Variants in RYR3 observed in about 807,000 individuals in gnomAD.
RYR3 encodes the protein ryanodine receptor 3.
In RYR3, 207 loss-of-function variants were observed where a neutral mutation model predicts 584.3. That is an observed-to-expected ratio of 0.35 (90% CI 0.32 to 0.40). The LOEUF (loss-of-function observed/expected upper bound fraction) is 0.40. RYR3 is among the 10% of genes least tolerant of loss of function. The pLI, the probability that RYR3 is intolerant of heterozygous loss-of-function variation, is 1.00. For synonymous variants in RYR3, 2,416 were observed against 2,248.5 expected, an observed-to-expected ratio of 1.07 and a Z score of -2.11; for missense variants, 5,616 against 6,089.2, an observed-to-expected ratio of 0.92 and a Z score of 2.59.
At chr15:33,456,847 T>A (rs1313774121) in intron 1 of RYR3, among the ~76,000 whole-genome samples, 2 of 152,316 alleles carry the variant, frequency 1.3e-5, no homozygotes, top group East Asian at 3.9e-4. Flanking sequence ...CCATTCTATA[T>A]CATTAATTTG....
At chr15:33,501,555 C>A (rs1425628528) in intron 2 of RYR3, among the ~76,000 whole-genome samples, 2 of 152,178 alleles carry the variant, frequency 1.3e-5, no homozygotes, top group African/African-American at 4.8e-5. Flanking sequence ...CCAAATCATT[C>A]ATTCTGATGA....
intron 42 of RYR3, among the ~76,000 whole-genome samples, chr15:33,704,298 AAAG>A (rs1373001553): frequency 6.7e-6 from 1 of 149,918 alleles, no homozygotes. Flanking sequence ...AAAAAAAAAG[AAAG>A]AAAAAAATCT....
intron 1 of RYR3, among the ~76,000 whole-genome samples, chr15:33,386,071 A>T (rs1214702186): frequency 6.6e-6 from 1 of 152,116 alleles, no homozygotes; most frequent in Non-Finnish European, 1.5e-5. Context: ...AAGAAAATAG[A>T]ATTTATGGAT....
chr15:33,668,442 CAG>C (rs1172889199), intron 36 of RYR3, among the ~76,000 whole-genome samples: 8 of 152,008 alleles, frequency 5.3e-5, no homozygotes, highest in South Asian at 2.1e-4. Flanking sequence ...CCAAAGCACT[CAG>C]GGGCAAATTT....
chr15:33,358,703 C>G (rs575950336), intron 1 of RYR3, among the ~76,000 whole-genome samples: 32 of 150,448 alleles, frequency 2.1e-4, no homozygotes, highest in Admixed American at 1.9e-3. Context: ...TTTTAATACT[C>G]TGTTAGATTT....
chr15:33,635,903 A>T (rs1015671245), intron 26 of RYR3, 84 bp downstream of exon 26: 17 of 1,204,166 alleles, frequency 1.4e-5, no homozygotes, highest in Non-Finnish European at 2.0e-5. Context: ...AAATTACTGG[A>T]TCTCTGGCTT....
At chr15:33,531,522 AT>A (rs1234235555) in intron 4 of RYR3, among the ~76,000 whole-genome samples, 1 of 151,972 alleles carries the variant, frequency 6.6e-6, no homozygotes, top group Admixed American at 6.6e-5. Flanking sequence ...ATTCAAGACT[AT>A]TTCCACACAT....
chr15:33,865,425 C>T lies in RYR3; in HGVS notation c.*199C>T, dbSNP rs1890176367. ...ATGGACATACACTGTGGGAGAGAAC[C>T]TGTCAAAATGTCGAAGAAGGAAGGC... On this transcript the variant is annotated 3_prime_UTR_variant, in exon 104 of 104. Coordinates refer to ENST00000634891, the MANE Select transcript of RYR3 (RefSeq NM_001036.6). 4 of 516,544 alleles carry T rather than the reference C, an allele frequency of 7.7e-6. No individual in the cohort carries two copies. The highest frequency in any genetic ancestry group is 1.4e-5 in the Non-Finnish European group (4 of 291,800). The allele number at this position is 516,544 out of a possible 1,614,324, so 32.0% of individuals were successfully genotyped here.
chr15:33,722,809 CG>C lies in RYR3; in HGVS notation c.6717del (p.Leu2240SerfsTer54). 1 of 1,613,202 alleles carries C rather than the reference CG, an allele frequency of 6.2e-7. No individual in the cohort carries two copies. ...CGGCCCTGCGGGGTGAGGGGGGAAA[CG>C]GGCTCTTGGCAGCCATGCAGGGTGC... ...GPALRGEGGN[G>X]LLAAMQGAIK... is the part of the protein sequence containing the mutation. On this transcript the variant is annotated frameshift_variant, in exon 44 of 104. Coordinates refer to ENST00000634891, the MANE Select transcript of RYR3 (RefSeq NM_001036.6). LOFTEE classifies it high-confidence loss of function.
chr15:33,636,639 C>T (rs2061515186), intron 27 of RYR3, 89 bp downstream of exon 27: 3 of 1,154,492 alleles, frequency 2.6e-6, no homozygotes, highest in South Asian at 1.5e-5. Flanking sequence ...CTTCCTTATT[C>T]GGTCTACACT....
At chr15:33,360,721 A>T (rs1974642152) in intron 1 of RYR3, among the ~76,000 whole-genome samples, 1 of 152,250 alleles carries the variant, frequency 6.6e-6, no homozygotes, top group Admixed American at 6.5e-5. Context: ...ATTCCCAAGA[A>T]CACACAGCCA....
At chr15:33,316,027 A>G (rs1427973160) in intron 1 of RYR3, among the ~76,000 whole-genome samples, 1 of 152,206 alleles carries the variant, frequency 6.6e-6, no homozygotes, top group Non-Finnish European at 1.5e-5. Flanking sequence ...TAATTATTAA[A>G]TATGTTAAAT....
chr15:33,797,678 C>G (rs763544692), intron 67 of RYR3, among the ~76,000 whole-genome samples: 6 of 152,170 alleles, frequency 3.9e-5, no homozygotes, highest in Non-Finnish European at 5.9e-5. Flanking sequence ...CTTCTCCCAC[C>G]AAGAAACGTT....
At chr15:33,757,757 A>G (rs1187832995) in intron 60 of RYR3, 161 bp downstream of exon 60, 2 of 746,750 alleles carry the variant, frequency 2.7e-6, no homozygotes, top group African/African-American at 3.5e-5. Context: ...TACATATCTG[A>G]ATTATTTCAG....
At chr15:33,454,390 T>C (rs927899584) in intron 1 of RYR3, among the ~76,000 whole-genome samples, 13 of 152,132 alleles carry the variant, frequency 8.5e-5, no homozygotes, top group African/African-American at 2.2e-4. Context: ...AAATAAAAAC[T>C]AGAAGCTAAC....
intron 47 of RYR3, among the ~76,000 whole-genome samples, chr15:33,729,476 ATAGGCTGACAT>A (rs1329195671): frequency 1.3e-5 from 2 of 152,162 alleles, no homozygotes; most frequent in Non-Finnish European, 2.9e-5. Context: ...TGGCAACATT[ATAGGCTGACAT>A]TACTCTTCAC....
At chr15:33,742,854 C>T (rs2070298704) in intron 52 of RYR3, among the ~76,000 whole-genome samples, 1 of 152,070 alleles carries the variant, frequency 6.6e-6, no homozygotes, top group South Asian at 2.1e-4. Context: ...TTCTGGAAGG[C>T]TGGATTTTAT....
intron 67 of RYR3, among the ~76,000 whole-genome samples, chr15:33,793,929 T>TAG (rs1256078691): frequency 2.7e-5 from 4 of 145,504 alleles, no homozygotes; most frequent in Non-Finnish European, 4.5e-5. Context: ...ACACTCTATA[T>TAG]ATATACATAT....
Position 33,841,923 on chromosome 15 carries a change from GGACAGAAGT to G in RYR3, c.13102_13110del (p.Glu4368_Thr4370del). On this transcript the variant is annotated inframe_deletion, in exon 91 of 104. Transcript: ENST00000634891. Reference sequence around the variant, plus strand: ...GAAGAGGAGCAAGCTGAGTACCTGTGGACAGAAGTGACAAAAAAGAAGAAGCGGCGGTGT... The same window carrying G: ...GAAGAGGAGCAAGCTGAGTACCTGTGGACAAAAAAGAAGAAGCGGCGGTGT... 1 of 1,598,206 alleles carries G rather than the reference GGACAGAAGT, an allele frequency of 6.3e-7. No homozygotes were observed. The highest frequency in any genetic ancestry group is 1.7e-4 in the Middle Eastern group (1 of 6,028).
Sources: gnomAD v4.1 joint callset for allele counts (sites outside exome capture counted in the v4.1 genomes callset) on GRCh38, gnomAD v4.1.1 for gene constraint, MANE v1.5 for transcripts, NCBI Gene and HGNC (gene_info 2026-07-23, HGNC 2026-07-21) for gene names.